THOC2: variants seen among roughly 807,000 people sequenced by gnomAD.
THOC2 encodes THO complex 2.
In THOC2, 10 loss-of-function variants were observed where a neutral mutation model predicts 128.4. The observed-to-expected ratio is 0.08, with a 90% CI of 0.05 to 0.13. The LOEUF is 0.13. THOC2 is among the 10% of genes least tolerant of loss of function. The pLI is 1.00. For missense variants in THOC2, 535 were observed against 1,155.7 expected (o/e 0.46, Z 7.79); for synonymous variants, 393 against 396.9 (o/e 0.99, Z 0.12).
chrX:123,605,438 T>C (rs912786230), intron 38 of THOC2, among the ~76,000 whole-genome samples: 5 of 111,600 alleles, frequency 4.5e-5, no homozygotes, highest in Non-Finnish European at 9.4e-5. Context: ...ACAGAAATGA[T>C]TTGTGTCTGT....
chrX:123,640,838 T>C (rs2047883954), intron 15 of THOC2, among the ~76,000 whole-genome samples: 1 of 112,278 alleles, frequency 8.9e-6, no homozygotes, highest in South Asian at 3.7e-4. Flanking sequence ...TTATATTAAA[T>C]GCTTAACATT....
chrX:123,693,849 A>G (rs2050332092), intron 7 of THOC2, among the ~76,000 whole-genome samples: 2 of 111,255 alleles, frequency 1.8e-5, no homozygotes, highest in African/African-American at 6.5e-5. Context: ...AGAAGGTGAC[A>G]TTTGACTGCT....
At chrX:123,678,328 C>T (rs1403222171) in intron 8 of THOC2, among the ~76,000 whole-genome samples, 3 of 105,613 alleles carry the variant, frequency 2.8e-5, no homozygotes, top group Admixed American at 2.1e-4. Context: ...TGCAGTGGCA[C>T]GATCTCGGCT....
chrX:123,635,923 T>C (rs138065454), intron 19 of THOC2, among the ~76,000 whole-genome samples, 156 bp downstream of exon 19: 84 of 112,385 alleles, frequency 7.5e-4, no homozygotes, highest in African/African-American at 2.5e-3. Flanking sequence ...TAAGTTATCA[T>C]TTAACTAAAG....
intron 33 of THOC2, among the ~76,000 whole-genome samples, chrX:123,618,511 C>A (rs1284007422): frequency 9.0e-6 from 1 of 111,624 alleles, no homozygotes; most frequent in African/African-American, 3.2e-5. Context: ...TTCAAAATTT[C>A]ATTTGGTCCA....
Position 123,623,755 on chromosome X carries a change from T to C in THOC2, c.3503+32A>G. 3 of 1,201,439 alleles carry C rather than the reference T, an allele frequency of 2.5e-6. No individual in the cohort carries two copies. In the South Asian group the frequency reaches 5.3e-5, roughly 21 times the overall value. On this transcript the variant is annotated intron_variant, in intron 28 of 38. Coordinates refer to ENST00000245838, the MANE Select transcript of THOC2 (RefSeq NM_001081550.2). ...TTCAGAATCCTTCTGTCATCTAGTCTTGTAAATCACATTAAAATATAATTT... is the reference window on the plus strand; with the variant it reads ...TTCAGAATCCTTCTGTCATCTAGTCCTGTAAATCACATTAAAATATAATTT...
At chrX:123,656,044 C>T (rs1011738826) in intron 12 of THOC2, among the ~76,000 whole-genome samples, 1 of 108,643 alleles carries the variant, frequency 9.2e-6, no homozygotes, top group Non-Finnish European at 1.9e-5. Flanking sequence ...ACTTAATGGC[C>T]GGGCGTGGTG....
Position 123,613,726 on chromosome X carries a change from G to A in THOC2, c.4450-18C>T, listed in dbSNP as rs760288391. On this transcript the variant is annotated intron_variant, in intron 34 of 38. Transcript: ENST00000245838. ...GAGTGATCCTAGAACCAAGAATTGT[G>A]AACTACATTGACCAAGGGCTTCTGT... 6 of 1,194,215 alleles carry A rather than the reference G, an allele frequency of 5.0e-6. No individual in the cohort carries two copies. The South Asian group carries it at 1.1e-4, about 21-fold the overall frequency.
At chrX:123,638,524 T>C (rs2047760920) in intron 17 of THOC2, among the ~76,000 whole-genome samples, 1 of 110,675 alleles carries the variant, frequency 9.0e-6, no homozygotes, top group Admixed American at 9.7e-5. Context: ...CCAGGTGTGG[T>C]AGCACACGCC....
intron 19 of THOC2, among the ~76,000 whole-genome samples, chrX:123,635,777 T>TA (rs1360230806): frequency 8.9e-6 from 1 of 111,969 alleles, no homozygotes; most frequent in African/African-American, 3.2e-5. Flanking sequence ...TATACGAAGA[T>TA]ATACAATGTA....
intron 8 of THOC2, among the ~76,000 whole-genome samples, chrX:123,681,752 T>A (rs1198675348): frequency 8.9e-6 from 1 of 112,024 alleles, no homozygotes; most frequent in Non-Finnish European, 1.9e-5. Flanking sequence ...AAAATGCATT[T>A]TGGGGACAAT....
intron 12 of THOC2, among the ~76,000 whole-genome samples, chrX:123,650,064 C>T (rs1049109645): frequency 7.2e-5 from 8 of 111,581 alleles, no homozygotes; most frequent in Non-Finnish European, 1.3e-4. Context: ...AGAGAAAGGT[C>T]GGGTTACCCA....
intron 8 of THOC2, among the ~76,000 whole-genome samples, chrX:123,672,998 T>A (rs189598644): frequency 7.0e-4 from 79 of 112,557 alleles, no homozygotes; most frequent in African/African-American, 2.5e-3. Context: ...CTCTATTTTT[T>A]AAAAACAGAT....
chrX:123,714,013 C>G (rs1179828128), intron 1 of THOC2, among the ~76,000 whole-genome samples: 1 of 111,122 alleles, frequency 9.0e-6, no homozygotes, highest in Non-Finnish European at 1.9e-5. Flanking sequence ...ATACAATCAC[C>G]AAAATCCAAA....
intron 19 of THOC2, among the ~76,000 whole-genome samples, chrX:123,635,527 T>C (rs1603254833): frequency 8.9e-6 from 1 of 111,851 alleles, no homozygotes; most frequent in East Asian, 2.8e-4. Context: ...TTAATACACA[T>C]ACATACTAAT....
chrX:123,694,950 C>A (rs2050392029), intron 7 of THOC2, among the ~76,000 whole-genome samples: 1 of 112,374 alleles, frequency 8.9e-6, no homozygotes, highest in East Asian at 2.8e-4. Context: ...CATAGCGAGA[C>A]CCCGTCTCTT....
intron 12 of THOC2, among the ~76,000 whole-genome samples, chrX:123,659,854 T>C (rs955531855): frequency 9.8e-5 from 11 of 112,201 alleles, no homozygotes; most frequent in African/African-American, 3.6e-4. Flanking sequence ...GAAGTGTAAT[T>C]GTAAATACAT....
intron 8 of THOC2, among the ~76,000 whole-genome samples, chrX:123,675,265 T>C (rs1040487330): frequency 8.9e-6 from 1 of 111,830 alleles, no homozygotes; most frequent in Admixed American, 9.5e-5. Flanking sequence ...TATCTCTTTA[T>C]GGATGTTCTC....
chrX:123,725,530 T>C, intron 1 of THOC2, among the ~76,000 whole-genome samples: 1 of 101,006 alleles, frequency 9.9e-6, no homozygotes. Flanking sequence ...CACTTGAGCC[T>C]GCAGGTCGAG....
Sources: allele counts gnomAD v4.1 joint callset (sites outside exome capture counted in the v4.1 genomes callset), GRCh38; gene constraint gnomAD v4.1.1; transcripts MANE v1.5; gene names NCBI Gene and HGNC (gene_info 2026-07-23, HGNC 2026-07-21).